The following IARS2 variants were observed in gnomAD, a reference collection of about 807,000 sequenced individuals.
The protein encoded by IARS2 is isoleucyl-tRNA synthetase 2, mitochondrial.
In IARS2, 56 loss-of-function variants were observed where a neutral mutation model predicts 126.3. The observed-to-expected ratio is 0.44, with a 90% CI of 0.36 to 0.55. The LOEUF (loss-of-function observed/expected upper bound fraction) is 0.55. IARS2 is among the 20% of genes least tolerant of loss of function. IARS2 has a pLI of 0.00. For missense variants in IARS2, 1,127 were observed against 1,245.9 expected (o/e 0.90, Z 1.44); for synonymous variants, 407 against 441.1 (o/e 0.92, Z 0.97).
intron 18 of IARS2, 44 bp downstream of exon 18, chr1:220,139,183 A>G (rs1340673444): frequency 3.2e-6 from 5 of 1,538,966 alleles, no homozygotes; most frequent in Admixed American, 3.7e-5. Context: ...AAATATCAGC[A>G]CTATTGTAGG....
In IARS2 at chr1:220,125,275, A is replaced by G. The variant is rs1482902087; in HGVS notation, c.1679A>G (p.His560Arg). ...CATATTGTTAAACTAGTGGAACAAC[A>G]CGGCAGTGATATCTGGTGGACTCTT... ...TEHIVKLVEQ[H>R]GSDIWWTLPP... The change falls in exon 13 of 23, where the codon CAC becomes CGC. Residue 560 changes from histidine (H) to arginine (R), a missense_variant. Transcript: ENST00000366922. 1.2e-6 allele frequency: 2 copies of G among 1,613,838 alleles called. No individual in the cohort carries two copies. The highest frequency in any genetic ancestry group is 1.7e-5 in the Admixed American group (1 of 60,016).
intron 12 of IARS2, 60 bp downstream of exon 12, chr1:220,114,534 T>G: frequency 3.1e-6 from 4 of 1,294,464 alleles, no homozygotes; most frequent in Non-Finnish European, 4.4e-6. Flanking sequence ...CTTCAAAAAT[T>G]GAAAAATAAT....
intron 2 of IARS2, among the ~76,000 whole-genome samples, chr1:220,097,622 C>T (rs1362895295): frequency 6.6e-6 from 1 of 152,042 alleles, no homozygotes; most frequent in South Asian, 2.1e-4. Flanking sequence ...CTCTGCCTCC[C>T]AAAGTGCTGG....
chr1:220,115,837 A>G (rs1026066278), intron 12 of IARS2, among the ~76,000 whole-genome samples: 13 of 152,168 alleles, frequency 8.5e-5, no homozygotes, highest in Non-Finnish European at 1.8e-4. Flanking sequence ...GGTTGCAGGT[A>G]GACTGTTATG....
In IARS2 at chr1:220,094,497, C is replaced by G. The variant is rs749018477; in HGVS notation, c.267+14C>G. 2 of 1,575,764 alleles carry G rather than the reference C, an allele frequency of 1.3e-6. No homozygotes were observed. Among genetic ancestry groups the G allele is most frequent in the Admixed American group, 1.9e-5 (1 of 53,554 alleles). On this transcript the variant is annotated intron_variant, in intron 1 of 22. Transcript: ENST00000366922. ...GAGATCCAGCAGGTACGGGCCCCGC[C>G]TCGGCGCGGGGCCTCCAGAGAGGCC...
In IARS2 at chr1:220,103,493, G is replaced by C; in HGVS notation, c.997G>C (p.Ala333Pro). ...TAAGTCTGGAGACCTCTACGTACTG[G>C]CGGCAGATAAAGTAGCATCTGTTGC... is the stretch of plus-strand genomic sequence containing the variant. ...CSKSGDLYVL[A>P]ADKVASVAST... Residue 333 changes from alanine (A) to proline (P), a missense_variant, in exon 8 of 23, where the codon GCG becomes CCG. Physicochemically the swap from Ala to Pro is conservative, Grantham distance 27. Coordinates refer to ENST00000366922, the MANE Select transcript of IARS2 (RefSeq NM_018060.4). 2.5e-6 allele frequency: 4 copies of C among 1,613,532 alleles called. No individual in the cohort carries two copies. The highest frequency in any genetic ancestry group is 3.4e-6 in the Non-Finnish European group (4 of 1,179,576).
At chr1:220,112,636 GCAACCTC>G (rs1357457334) in intron 11 of IARS2, among the ~76,000 whole-genome samples, 1 of 143,330 alleles carries the variant, frequency 7.0e-6, no homozygotes, top group Non-Finnish European at 1.5e-5. Flanking sequence ...TCAGCTCACT[GCAACCTC>G]CACCTCCTGG....
chr1:220,146,453 G>A (rs1657592108), intron 22 of IARS2, among the ~76,000 whole-genome samples: 1 of 147,864 alleles, frequency 6.8e-6, no homozygotes, highest in African/African-American at 2.5e-5. Context: ...CGGAGGCGGA[G>A]CTTGCAGTGA....
intron 12 of IARS2, among the ~76,000 whole-genome samples, chr1:220,122,742 A>G (rs775430837): frequency 2.0e-5 from 3 of 152,188 alleles, no homozygotes; most frequent in Non-Finnish European, 4.4e-5. Flanking sequence ...AATACTCTTT[A>G]TCTTTTATAC....
chr1:220,102,465 G>C, intron 5 of IARS2, 30 bp from the exon 6 acceptor site: 1 of 1,610,262 alleles, frequency 6.2e-7, no homozygotes, highest in Non-Finnish European at 8.5e-7. Flanking sequence ...AGGCTTCCAA[G>C]TATTTATGTT....
chr1:220,107,917 T>C (rs1656714297), intron 10 of IARS2, among the ~76,000 whole-genome samples: 1 of 152,194 alleles, frequency 6.6e-6, no homozygotes, highest in Admixed American at 6.5e-5. Context: ...ACTTGTTTTT[T>C]CGAGACAATC....
At chr1:220,147,432 TAAGAA>T in intron 22 of IARS2, 56 bp from the exon 23 acceptor site, 2 of 1,541,398 alleles carry the variant, frequency 1.3e-6, no homozygotes, top group Non-Finnish European at 1.8e-6. Flanking sequence ...CTAAACCAAT[TAAGAA>T]ACAGTGTTAC....
intron 14 of IARS2, among the ~76,000 whole-genome samples, chr1:220,133,016 C>CT (rs5781166): frequency 0.023 from 3,324 of 143,438 alleles, 122 homozygotes; most frequent in African/African-American, 0.075. Flanking sequence ...TATTTCTTTT[C>CT]TTTTTTTTTT....
intron 14 of IARS2, among the ~76,000 whole-genome samples, chr1:220,127,735 A>G (rs945138582): frequency 3.3e-5 from 5 of 152,168 alleles, no homozygotes; most frequent in African/African-American, 7.2e-5. Flanking sequence ...AGGTGGATCT[A>G]TTTCCTTCAT....
chr1:220,102,663 A>G, intron 6 of IARS2, 24 bp from the exon 7 acceptor site: 2 of 1,596,472 alleles, frequency 1.3e-6, no homozygotes, highest in East Asian at 2.2e-5. Flanking sequence ...ATTTGCTAAC[A>G]TATTTACAAT....
intron 19 of IARS2, among the ~76,000 whole-genome samples, chr1:220,141,036 G>T (rs983428485): frequency 1.3e-5 from 2 of 151,752 alleles, no homozygotes; most frequent in Non-Finnish European, 1.5e-5. Flanking sequence ...GAGTATAAAG[G>T]TTTGACCTCC....
chr1:220,142,821 C>A, intron 20 of IARS2, 123 bp from the exon 21 acceptor site: 1 of 558,130 alleles, frequency 1.8e-6, no homozygotes. Flanking sequence ...CATAATATTT[C>A]ATCACTTGAT....
In IARS2 at chr1:220,147,545, G is replaced by A. The variant is rs149528664; in HGVS notation, c.2949G>A (p.Thr983=). 6.6e-5 allele frequency: 107 copies of A among 1,614,108 alleles called. No homozygotes were observed. Among genetic ancestry groups the A allele is most frequent in the Admixed American group, 2.2e-4 (13 of 60,022 alleles). The change falls in exon 23 of 23, where the codon ACG becomes ACA. Residue 983 remains threonine, a synonymous_variant. Transcript: ENST00000366922. ...SSYKVIVMPT[T]KEKCPRCWKY... ...ATAAAGTAATTGTCATGCCGACTACGAAAGAAAAATGCCCCCGTTGTTGGA... is the reference window on the plus strand; with the variant it reads ...ATAAAGTAATTGTCATGCCGACTACAAAAGAAAAATGCCCCCGTTGTTGGA...
chr1:220,107,170 G>A lies in IARS2; in HGVS notation c.1327+19G>A. ...GATGTGGGTGAGCATCATATCTGTT[G>A]ATATCATACATGTTTTCTGAAAAGT... is the stretch of plus-strand genomic sequence containing the variant. On this transcript the variant is annotated intron_variant, in intron 10 of 22. Coordinates refer to ENST00000366922, the MANE Select transcript of IARS2 (RefSeq NM_018060.4). 1 of 1,534,012 alleles carries A rather than the reference G, an allele frequency of 6.5e-7. No individual in the cohort carries two copies. The highest frequency in any genetic ancestry group is 9.0e-7 in the Non-Finnish European group (1 of 1,107,468).
Sources: allele counts gnomAD v4.1 joint callset (sites outside exome capture counted in the v4.1 genomes callset), GRCh38; gene constraint gnomAD v4.1.1; transcripts MANE v1.5; gene names NCBI Gene and HGNC (gene_info 2026-07-23, HGNC 2026-07-21).